Variants in TRRAP observed in about 807,000 individuals in gnomAD.
TRRAP encodes the protein transformation/transcription domain-associated protein.
In TRRAP, 41 loss-of-function variants were observed where a neutral mutation model predicts 438.8. The ratio of observed to expected loss-of-function variants is 0.09; its 90% CI spans 0.07 to 0.12. TRRAP has a LOEUF of 0.12. Among genes scored for constraint, TRRAP ranks in the 10% least tolerant of loss-of-function variants. The pLI is 1.00. For missense variants in TRRAP, 3,122 were observed against 5,055.1 expected (o/e 0.62, Z 11.60); for synonymous variants, 1,994 against 1,962.9 (o/e 1.02, Z -0.42).
intron 23 of TRRAP, among the ~76,000 whole-genome samples, chr7:98,928,533 CA>C (rs1790157806): frequency 6.6e-6 from 1 of 152,158 alleles, no homozygotes; most frequent in Non-Finnish European, 1.5e-5. Flanking sequence ...GTCTTTCTGG[CA>C]AAACTAAGCT....
Position 98,935,611 on chromosome 7 carries a change from T to G in TRRAP, c.4047T>G (p.Ala1349=). 2 of 1,605,380 alleles carry G rather than the reference T, an allele frequency of 1.2e-6. No individual in the cohort carries two copies. Among genetic ancestry groups the G allele is most frequent in the South Asian group, 2.2e-5 (2 of 90,788 alleles). The change falls in exon 28 of 73, where the codon GCT becomes GCG. Residue 1349 remains alanine (A), a synonymous_variant. Transcript: ENST00000456197. ...ATTTGTGTGAGGCTGAAGATTCAGC[T>G]TTAACAAAGCTGCCCTGTTATAAAA... The part of the protein sequence containing the change: ...LLNLCEAEDS[A]LTKLPCYKSL...
In TRRAP at chr7:98,964,705, C is replaced by T; in HGVS notation, c.6906C>T (p.Arg2302=). The T allele has an allele frequency of 6.2e-7, 1 of 1,613,998 alleles. No homozygotes were observed. The change falls in exon 48 of 73, where the codon CGC becomes CGT. Residue 2302 remains arginine (R), a synonymous_variant. Transcript: ENST00000456197. Reference sequence around the variant, plus strand: ...ACAGGCTGATCTCCGTCTTTATGCGCTCCCTGCAGAAGATGGTCCGGGAGC... The same window carrying T: ...ACAGGCTGATCTCCGTCTTTATGCGTTCCCTGCAGAAGATGGTCCGGGAGC... ...YIDRLISVFM[R]SLQKMVREHL...
At chr7:98,966,645 A>G (rs1234428928) in intron 49 of TRRAP, among the ~76,000 whole-genome samples, 1 of 152,116 alleles carries the variant, frequency 6.6e-6, no homozygotes. Flanking sequence ...AGATCACACC[A>G]CTGTACTCCA....
chr7:98,902,469 C>T (rs1357530025), intron 11 of TRRAP, among the ~76,000 whole-genome samples: 1 of 151,974 alleles, frequency 6.6e-6, no homozygotes, highest in Non-Finnish European at 1.5e-5. Flanking sequence ...GCTTTTATTT[C>T]AGAAAAATAA....
rs41644 is a variant in TRRAP at position 98,970,394 on chromosome 7, C to T, written c.7692+103C>T. ...GAGGTGAGACCCCGTGCCCCACGGGCAGAATCCCAGAGAGGAGGTGAGGCC... is the reference window on the plus strand; with the variant it reads ...GAGGTGAGACCCCGTGCCCCACGGGTAGAATCCCAGAGAGGAGGTGAGGCC... On this transcript the variant is annotated intron_variant, in intron 52 of 72. Transcript: ENST00000456197. 0.086 allele frequency: 119,170 copies of T among 1,393,316 alleles called. 5,947 individuals carry two copies. Among genetic ancestry groups the T allele is most frequent in the East Asian group, 0.26 (10,623 of 40,698 alleles). 86.3% of individuals were successfully genotyped at this position (1,393,316 alleles called of 1,614,324 possible). A position where few individuals can be genotyped will look rare whatever the true frequency, so the allele number is the denominator to read the frequency against.
In TRRAP at chr7:98,935,764, G is replaced by A. The variant is rs150455836; in HGVS notation, c.4111+89G>A. 1.4e-4 allele frequency: 148 copies of A among 1,033,202 alleles called. No individual in the cohort carries two copies. The African/African-American group carries it at 1.7e-3, about 12-fold the overall frequency. The allele number at this position is 1,033,202 out of a possible 1,614,324, so 64.0% of individuals were successfully genotyped here. ...AAAAAAAAAGTGGCCTTTTGTTGTT[G>A]TCTAATTTTTATGACTTTTTGTAGT... On this transcript the variant is annotated intron_variant, in intron 28 of 72. Transcript: ENST00000456197.
At chr7:98,953,103 A>T in intron 39 of TRRAP, 64 bp from the exon 40 acceptor site, 2 of 1,554,464 alleles carry the variant, frequency 1.3e-6, no homozygotes, top group Non-Finnish European at 1.7e-6. Flanking sequence ...AACCTGTCGT[A>T]TGACCCTCAG....
chr7:99,011,681 T>C lies in TRRAP; in HGVS notation c.11337+146T>C. On this transcript the variant is annotated intron_variant, in intron 72 of 72. Coordinates refer to ENST00000456197, the MANE Select transcript of TRRAP (RefSeq NM_001375524.1). The surrounding 1 kb of genome is among the most constrained non-coding windows in gnomAD (Gnocchi z 7.1). ...CACCCCTGTGTGTTATGTCCTTTGCTGTGAGGGCAAGGGATGGTTTTCTCT... is the reference window on the plus strand; with the variant it reads ...CACCCCTGTGTGTTATGTCCTTTGCCGTGAGGGCAAGGGATGGTTTTCTCT... The C allele has an allele frequency of 2.0e-6, 2 of 988,488 alleles. No individual in the cohort carries two copies. The highest frequency in any genetic ancestry group is 3.4e-5 in the South Asian group (2 of 58,412). The allele number at this position is 988,488 out of a possible 1,614,324, so 61.2% of individuals were successfully genotyped here. A position where few individuals can be genotyped will look rare whatever the true frequency, so the allele number is the denominator to read the frequency against.
chr7:98,881,285 A>G (rs1554403020), intron 2 of TRRAP, 35 bp downstream of exon 2: 1 of 1,562,350 alleles, frequency 6.4e-7, no homozygotes, highest in African/African-American at 1.4e-5. Flanking sequence ...AGAAATGCAT[A>G]AATAAGGCCG....
rs141407005 is a variant in TRRAP, at chr7:98,911,751, G to A, written c.2008-271G>A. Among the ~76,000 whole-genome samples the A allele has an allele frequency of 6.3e-3, 952 of 150,108 alleles. 10 individuals carry two copies. Among genetic ancestry groups the A allele is most frequent in the African/African-American group, 0.021 (860 of 40,368 alleles). On this transcript the variant is annotated intron_variant, in intron 17 of 72. Coordinates refer to ENST00000456197, the MANE Select transcript of TRRAP (RefSeq NM_001375524.1). ...GCTGCACTCCAGCCTGGGTGACAGA[G>A]CGAGACCCCCATCTCAAAATCTCAA...
intron 27 of TRRAP, among the ~76,000 whole-genome samples, 164 bp downstream of exon 27, chr7:98,933,566 G>A (rs1408822777): frequency 1.3e-5 from 2 of 152,162 alleles, no homozygotes; most frequent in African/African-American, 2.4e-5. Context: ...GGTATGTTGC[G>A]TCTGGGCTCG....
intron 67 of TRRAP, among the ~76,000 whole-genome samples, chr7:98,996,204 A>G (rs1291399006): frequency 6.6e-6 from 1 of 152,058 alleles, no homozygotes; most frequent in Non-Finnish European, 1.5e-5. Context: ...CTACACACCC[A>G]CATCACATCT....
Position 98,984,279 on chromosome 7 carries a change from A to G in TRRAP, c.9209A>G (p.Asp3070Gly). The change falls in exon 61 of 73, where the codon GAT becomes GGT. Residue 3070 changes from aspartate (D) to glycine (G), a missense_variant. Asp to Gly is a moderately conservative substitution (Grantham distance 94). This residue lies in a region of TRRAP where 129 missense variants were observed against 279.2 expected (regional missense o/e 0.46). Coordinates refer to ENST00000456197, the MANE Select transcript of TRRAP (RefSeq NM_001375524.1). ...IHTIPTVPIV[D>G]CFQKIRQQVK... Reference sequence around the variant, plus strand: ...ACTATTCCAACTGTTCCTATCGTGGATTGCTTCCAGAAGATTCGACAGCAA... The same window carrying G: ...ACTATTCCAACTGTTCCTATCGTGGGTTGCTTCCAGAAGATTCGACAGCAA... 1 of 1,610,908 alleles carries G rather than the reference A, an allele frequency of 6.2e-7. No individual in the cohort carries two copies. The highest frequency in any genetic ancestry group is 8.5e-7 in the Non-Finnish European group (1 of 1,178,648).
chr7:98,954,316 A>G (rs1791489996), intron 40 of TRRAP, among the ~76,000 whole-genome samples: 1 of 152,250 alleles, frequency 6.6e-6, no homozygotes, highest in African/African-American at 2.4e-5. Flanking sequence ...CCGTGTGAGA[A>G]TTAAATGTAA....
At position 98,981,905 on chromosome 7, in the gene TRRAP, G is replaced by A. The variant is rs1250625061; in HGVS notation, c.8771G>A (p.Arg2924His). ...GAGATGGCCAGCAGCCTGGCCATCC[G>A]CGAGTGGCGGCGGCTGCCCCACGTA... ...LVEMASSLAI[R>H]EWRRLPHVVS... The change falls in exon 59 of 73, where the codon CGC becomes CAC. Residue 2924 changes from arginine to histidine, a missense_variant. This residue lies in a region of TRRAP where 992 missense variants were observed against 1,281.2 expected (regional missense o/e 0.77). Transcript: ENST00000456197. 1.2e-6 allele frequency: 2 copies of A among 1,608,888 alleles called. No homozygotes were observed. The highest frequency in any genetic ancestry group is 1.7e-6 in the Non-Finnish European group (2 of 1,178,684).
intron 63 of TRRAP, 108 bp from the exon 64 acceptor site, chr7:98,990,347 A>G: frequency 3.5e-6 from 4 of 1,145,750 alleles, no homozygotes; most frequent in Middle Eastern, 3.1e-4. Context: ...CTTTTTTTAC[A>G]TGGCCAGTAA....
At chr7:98,970,954 G>T (rs759107603) in intron 52 of TRRAP, among the ~76,000 whole-genome samples, 1 of 152,084 alleles carries the variant, frequency 6.6e-6, no homozygotes, top group Non-Finnish European at 1.5e-5. Context: ...GGCTGCCGCT[G>T]TTCCTGGCAG....
In TRRAP at chr7:98,958,103, A is replaced by G. The variant is rs1791709286; in HGVS notation, c.6342+12A>G. ...GCGTGGCCTGTCAGGTACGGGATCC[A>G]AGTGCCCTGCGTTAGGGCTTCTGCA... On this transcript the variant is annotated intron_variant, in intron 44 of 72. Transcript: ENST00000456197. The G allele has an allele frequency of 6.2e-7, 1 of 1,612,048 alleles. No homozygotes were observed. Among genetic ancestry groups the G allele is most frequent in the Non-Finnish European group, 8.5e-7 (1 of 1,178,796 alleles).
chr7:98,999,269 G>T, intron 67 of TRRAP: 1 of 1,178,780 alleles, frequency 8.5e-7, no homozygotes, highest in Non-Finnish European at 1.3e-6. Context: ...AGAAACAGAT[G>T]TCGTACAGGA....
Sources: allele counts gnomAD v4.1 joint callset (sites outside exome capture counted in the v4.1 genomes callset), GRCh38; gene constraint gnomAD v4.1.1; regional missense constraint gnomAD v4.1.1; non-coding constraint Gnocchi (gnomAD v3.1); transcripts MANE v1.5; gene names NCBI Gene and HGNC (gene_info 2026-07-23, HGNC 2026-07-21).